Variants in TRIQK observed in about 807,000 individuals in gnomAD.
TRIQK encodes the protein triple QxxK/R motif containing, also known as triple QxxK/R motif-containing protein.
In TRIQK, 10 loss-of-function variants were observed where a neutral mutation model predicts 10.8. The observed-to-expected ratio is 0.92, with a 90% CI of 0.57 to 1.57. The LOEUF (loss-of-function observed/expected upper bound fraction) is 1.57, where lower values mean the gene tolerates loss of function less well. TRIQK is among the 40% of genes most tolerant of loss of function. The pLI, the probability that TRIQK is intolerant of heterozygous loss-of-function variation, is 0.00. For missense variants in TRIQK, 107 were observed against 97.7 expected (o/e 1.09, Z -0.40); for synonymous variants, 33 against 33.7 (o/e 0.98, Z 0.07).
chr8:92,947,302 G>C (rs1286436263), intron 2 of TRIQK, among the ~76,000 whole-genome samples: 1 of 150,610 alleles, frequency 6.6e-6, no homozygotes, highest in African/African-American at 2.4e-5. Flanking sequence ...TTCTTTCGTG[G>C]CCGGGCGCGG....
intron 1 of TRIQK, among the ~76,000 whole-genome samples, chr8:92,980,216 A>G (rs992524031): frequency 6.6e-6 from 1 of 152,036 alleles, no homozygotes; most frequent in Admixed American, 6.6e-5. Context: ...ATAATGTTTC[A>G]TTGTTAATAT....
intron 1 of TRIQK, among the ~76,000 whole-genome samples, chr8:93,001,997 A>G (rs1044001647): frequency 6.6e-6 from 1 of 152,178 alleles, no homozygotes; most frequent in South Asian, 2.1e-4. Flanking sequence ...TTACAAATAC[A>G]TGGAAATTAA....
chr8:93,014,721 G>A (rs1813367631), intron 1 of TRIQK, among the ~76,000 whole-genome samples: 2 of 151,994 alleles, frequency 1.3e-5, no homozygotes, highest in Non-Finnish European at 2.9e-5. Flanking sequence ...GGGAGGAGGA[G>A]ATGCTACATT....
intron 3 of TRIQK, among the ~76,000 whole-genome samples, chr8:92,897,193 G>A (rs981799519): frequency 1.9e-4 from 29 of 152,126 alleles, no homozygotes; most frequent in African/African-American, 6.8e-4. Flanking sequence ...GCCTCGAGAC[G>A]AATGATGCCT....
intron 1 of TRIQK, among the ~76,000 whole-genome samples, chr8:92,959,334 T>G (rs73309459): frequency 3.3e-5 from 5 of 152,194 alleles, no homozygotes; most frequent in Non-Finnish European, 5.9e-5. Context: ...TCACAAAATT[T>G]TATTTAAATC....
At chr8:93,000,295 C>T (rs1413025321) in intron 1 of TRIQK, among the ~76,000 whole-genome samples, 1 of 152,056 alleles carries the variant, frequency 6.6e-6, no homozygotes, top group Non-Finnish European at 1.5e-5. Flanking sequence ...GGGTAATTTA[C>T]AAAGAAAAAG....
At chr8:92,955,082 T>A (rs1298984017) in intron 1 of TRIQK, among the ~76,000 whole-genome samples, 2 of 151,904 alleles carry the variant, frequency 1.3e-5, no homozygotes, top group Admixed American at 1.3e-4. Context: ...TCATTTTTGT[T>A]CAGTGAATAT....
At chr8:92,991,593 C>T (rs1700446623) in intron 1 of TRIQK, among the ~76,000 whole-genome samples, 3 of 152,162 alleles carry the variant, frequency 2.0e-5, no homozygotes. Flanking sequence ...TGAAAACACA[C>T]AAGACAAGTA....
intron 3 of TRIQK, among the ~76,000 whole-genome samples, chr8:92,902,623 G>A (rs1406673381): frequency 6.6e-6 from 1 of 152,090 alleles, no homozygotes; most frequent in Non-Finnish European, 1.5e-5. Flanking sequence ...CCTGTGGGGG[G>A]ATGATCGCTA....
intron 2 of TRIQK, among the ~76,000 whole-genome samples, chr8:92,930,947 C>A (rs1810692521): frequency 1.3e-5 from 2 of 152,230 alleles, no homozygotes; most frequent in South Asian, 4.1e-4. Flanking sequence ...ATGGTATATA[C>A]TTTTATCTCT....
At chr8:92,987,041 T>C (rs971724398) in intron 1 of TRIQK, among the ~76,000 whole-genome samples, 1 of 152,332 alleles carries the variant, frequency 6.6e-6, no homozygotes, top group South Asian at 2.1e-4. Flanking sequence ...AAGTTTTATT[T>C]CTCATTTTAA....
intron 2 of TRIQK, chr8:92,926,191 G>A (rs1343473488): frequency 2.0e-5 from 3 of 151,748 alleles, no homozygotes; most frequent in Non-Finnish European, 4.4e-5. Context: ...ACTGAACATA[G>A]GCAATAGAGA....
At chr8:93,011,931 C>A (rs900729212) in intron 1 of TRIQK, among the ~76,000 whole-genome samples, 4 of 152,196 alleles carry the variant, frequency 2.6e-5, no homozygotes, top group South Asian at 2.1e-4. Context: ...GTATCGAAAC[C>A]AAGATAGATG....
chr8:92,985,842 C>T (rs149712425), intron 1 of TRIQK, among the ~76,000 whole-genome samples: 57 of 152,226 alleles, frequency 3.7e-4, no homozygotes, highest in Non-Finnish European at 7.5e-4. Context: ...GGCCAGGAAG[C>T]TTGACTTTTC....
At position 92,920,535 on chromosome 8, in the gene TRIQK, G is replaced by GA. The variant is rs1250353314; in HGVS notation, c.-21-3526dup. 7.0e-4 allele frequency among the ~76,000 whole-genome samples: 101 copies of GA among 144,970 alleles called. 1 individual carries two copies. The highest frequency in any genetic ancestry group is 1.2e-3 in the Non-Finnish European group (79 of 65,390). ...GAAAACTTATCAGCTTAAAAAAAAA[G>GA]AAAAAAAAAAGAGAGAGAGAGACAA... On this transcript the variant is annotated intron_variant, in intron 2 of 4. Coordinates refer to ENST00000521988, the MANE Select transcript of TRIQK (RefSeq NM_001171797.2).
intron 1 of TRIQK, among the ~76,000 whole-genome samples, chr8:92,999,323 A>T (rs1226567735): frequency 2.0e-5 from 3 of 152,288 alleles, no homozygotes; most frequent in Admixed American, 1.3e-4. Context: ...TGAAAACCCA[A>T]CTGTTTCAAT....
At chr8:92,907,428 C>T (rs1159062655) in intron 3 of TRIQK, among the ~76,000 whole-genome samples, 1 of 152,134 alleles carries the variant, frequency 6.6e-6, no homozygotes, top group Non-Finnish European at 1.5e-5. Context: ...CTGTGTCCTC[C>T]TGTTAAATAT....
intron 2 of TRIQK, 41 bp from the exon 3 acceptor site, chr8:92,917,051 G>C: frequency 8.6e-6 from 11 of 1,280,962 alleles, no homozygotes; most frequent in Non-Finnish European, 1.1e-5. Flanking sequence ...TTTTAAAAAG[G>C]AGTGTCTATA....
At chr8:92,912,742 A>G (rs769788698) in intron 3 of TRIQK, among the ~76,000 whole-genome samples, 11 of 152,010 alleles carry the variant, frequency 7.2e-5, no homozygotes, top group Admixed American at 2.6e-4. Context: ...GAAATGGGTA[A>G]GTTCCTAAAA....
Sources: gnomAD v4.1 joint callset for allele counts (sites outside exome capture counted in the v4.1 genomes callset) on GRCh38, gnomAD v4.1.1 for gene constraint, MANE v1.5 for transcripts, NCBI Gene and HGNC (gene_info 2026-07-23, HGNC 2026-07-21) for gene names.